GPC5: variants seen among roughly 807,000 people sequenced by gnomAD.
The protein encoded by GPC5 is glypican 5.
Under a neutral mutation model 53.9 loss-of-function variants are expected in GPC5, and 47 were observed. The observed-to-expected ratio is 0.87, with a 90% CI of 0.69 to 1.11. The LOEUF (loss-of-function observed/expected upper bound fraction) is 1.11. Among genes scored for constraint, GPC5 ranks in the 50% most tolerant of loss-of-function variants. The pLI is 0.00. For missense variants in GPC5, 748 were observed against 713.1 expected, an observed-to-expected ratio of 1.05 and a Z score of -0.56; for synonymous variants, 286 against 263.3, an observed-to-expected ratio of 1.09 and a Z score of -0.84.
intron 2 of GPC5, among the ~76,000 whole-genome samples, chr13:91,642,838 T>C (rs1200180693): frequency 6.6e-6 from 1 of 151,832 alleles, no homozygotes; most frequent in Non-Finnish European, 1.5e-5. Context: ...GCATGGGTCT[T>C]GGGGATGTGG....
chr13:91,410,292 C>T (rs1285079962), intron 1 of GPC5, among the ~76,000 whole-genome samples: 2 of 150,016 alleles, frequency 1.3e-5, no homozygotes, highest in African/African-American at 4.9e-5. Context: ...ATTATTTGTG[C>T]TTGGTCAGGG....
intron 7 of GPC5, among the ~76,000 whole-genome samples, chr13:92,555,252 C>T (rs1395143338): frequency 6.6e-6 from 1 of 151,214 alleles, no homozygotes; most frequent in Non-Finnish European, 1.5e-5. Context: ...ACCAAATCAA[C>T]AGCAGCAATT....
At chr13:92,751,303 T>TAAAAAAAAAAAAAAAAAA (rs71123435) in intron 7 of GPC5, among the ~76,000 whole-genome samples, 4 of 38,778 alleles carry the variant, frequency 1.0e-4, no homozygotes, top group South Asian at 1.0e-3. Context: ...CAGAAACATT[T>TAAAAAAAAAAAAAAAAAA]AAAAAAAAAA....
intron 5 of GPC5, among the ~76,000 whole-genome samples, chr13:91,860,525 C>CTTTT (rs553332919): frequency 3.0e-5 from 4 of 132,218 alleles, no homozygotes; most frequent in Admixed American, 7.8e-5. Flanking sequence ...TTCTTTATTT[C>CTTTT]TTTTTTTTTT....
Position 92,487,403 on chromosome 13 carries a change from G to C in GPC5, c.1561+342414G>C, listed in dbSNP as rs976403724. ...AATTTATAACCAGGAGACTATTGCTGTTCTTAGTTGTGTCTAAAATTGCAT... is the reference window on the plus strand; with the variant it reads ...AATTTATAACCAGGAGACTATTGCTCTTCTTAGTTGTGTCTAAAATTGCAT... On this transcript the variant is annotated intron_variant, in intron 7 of 7. Coordinates refer to ENST00000377067, the MANE Select transcript of GPC5 (RefSeq NM_004466.6). Among the ~76,000 whole-genome samples, 6 of 152,126 alleles carry C rather than the reference G, an allele frequency of 3.9e-5. No homozygotes were observed. In the East Asian group the frequency reaches 5.8e-4, roughly 15 times the overall value.
chr13:92,318,633 A>G (rs2043195672), intron 7 of GPC5, among the ~76,000 whole-genome samples: 1 of 152,182 alleles, frequency 6.6e-6, no homozygotes. Flanking sequence ...TCTTAAGAAT[A>G]GAAATACTGT....
At chr13:91,861,531 A>C (rs563974668) in intron 5 of GPC5, among the ~76,000 whole-genome samples, 20 of 152,074 alleles carry the variant, frequency 1.3e-4, no homozygotes, top group African/African-American at 4.6e-4. Context: ...CAGCCACACA[A>C]GCTTCCTAAT....
At chr13:92,530,176 A>T (rs1293022904) in intron 7 of GPC5, among the ~76,000 whole-genome samples, 3 of 152,010 alleles carry the variant, frequency 2.0e-5, no homozygotes, top group Non-Finnish European at 2.9e-5. Flanking sequence ...GAATTTATAG[A>T]ACACTTACAG....
chr13:92,740,296 C>T (rs1889049593), intron 7 of GPC5, among the ~76,000 whole-genome samples: 1 of 152,038 alleles, frequency 6.6e-6, no homozygotes, highest in Non-Finnish European at 1.5e-5. Context: ...TTTGGCACTT[C>T]CTATTATTCT....
rs930495984 is a variant in GPC5, at chr13:91,893,480, A to T, written c.1281-14457A>T. On this transcript the variant is annotated intron_variant, in intron 5 of 7. Coordinates refer to ENST00000377067, the MANE Select transcript of GPC5 (RefSeq NM_004466.6). ...TTTCTGGCCCTCTACTCCAGATTTT[A>T]TCATGTAGACACAACATATACCATA... Among the ~76,000 whole-genome samples, 2 of 152,228 alleles carry T rather than the reference A, an allele frequency of 1.3e-5. 1 individual carries two copies. The highest frequency in any genetic ancestry group is 4.1e-4 in the South Asian group (2 of 4,828).
intron 7 of GPC5, among the ~76,000 whole-genome samples, chr13:92,692,528 T>G (rs1351735976): frequency 5.5e-5 from 5 of 91,046 alleles, no homozygotes; most frequent in South Asian, 4.6e-4. Flanking sequence ...TGGGGACTGT[T>G]GTGGGGTGGG....
At chr13:92,251,146 G>C (rs1158601198) in intron 7 of GPC5, among the ~76,000 whole-genome samples, 1 of 152,068 alleles carries the variant, frequency 6.6e-6, no homozygotes, top group African/African-American at 2.4e-5. Flanking sequence ...GATATATAGG[G>C]AAGTGAAGCT....
At chr13:92,563,409 A>G (rs113483469) in intron 7 of GPC5, among the ~76,000 whole-genome samples, 5,938 of 152,018 alleles carry the variant, frequency 0.039, 168 homozygotes, top group Non-Finnish European at 0.057. Context: ...TTCTATTTCA[A>G]TTTTTCACAT....
At chr13:92,368,238 G>A (rs144750682) in intron 7 of GPC5, among the ~76,000 whole-genome samples, 1,523 of 151,204 alleles carry the variant, frequency 0.01, 28 homozygotes, top group Middle Eastern at 0.048. Flanking sequence ...GCCCACCTCC[G>A]CCTCCCAAAG....
chr13:92,354,337 T>C (rs2043504912), intron 7 of GPC5, among the ~76,000 whole-genome samples: 1 of 152,230 alleles, frequency 6.6e-6, no homozygotes, highest in African/African-American at 2.4e-5. Context: ...ATACAACTTA[T>C]TTTAAAAATA....
At position 92,159,896 on chromosome 13, in the gene GPC5, C is replaced by T. The variant is rs529973886; in HGVS notation, c.1561+14907C>T. 1.5e-3 allele frequency among the ~76,000 whole-genome samples: 225 copies of T among 149,716 alleles called. 2 individuals are homozygous for T. Among genetic ancestry groups the T allele is most frequent in the Middle Eastern group, 3.8e-3 (1 of 264 alleles). ...GGATTACAGGAGTGAGCCACCGAGC[C>T]CGGTCCCAATGTTCTTTTTTTAATT... On this transcript the variant is annotated intron_variant, in intron 7 of 7. Coordinates refer to ENST00000377067, the MANE Select transcript of GPC5 (RefSeq NM_004466.6).
intron 6 of GPC5, among the ~76,000 whole-genome samples, chr13:92,017,448 A>G (rs1004842331): frequency 2.6e-5 from 4 of 152,132 alleles, no homozygotes; most frequent in African/African-American, 9.7e-5. Context: ...CTGCCAAGTC[A>G]TCCTTCATGC....
At chr13:91,945,611 C>A (rs1014042029) in intron 6 of GPC5, among the ~76,000 whole-genome samples, 8 of 152,098 alleles carry the variant, frequency 5.3e-5, no homozygotes, top group African/African-American at 1.9e-4. Context: ...TGGTTAATAG[C>A]AGGACTTTCC....
chr13:92,286,080 T>C (rs1211765959), intron 7 of GPC5, among the ~76,000 whole-genome samples: 11 of 152,150 alleles, frequency 7.2e-5, no homozygotes, highest in Admixed American at 7.2e-4. Context: ...GCGAAGGATA[T>C]GAAGAGACAC....
Sources: allele counts gnomAD v4.1 joint callset (sites outside exome capture counted in the v4.1 genomes callset), GRCh38; gene constraint gnomAD v4.1.1; transcripts MANE v1.5; gene names NCBI Gene and HGNC (gene_info 2026-07-23, HGNC 2026-07-21).